LRFN2: variants seen among roughly 807,000 people sequenced by gnomAD.
LRFN2 encodes the protein leucine rich repeat and fibronectin type III domain containing 2.
Under a neutral mutation model 37.3 loss-of-function variants are expected in LRFN2, and 18 were observed. That is an observed-to-expected ratio of 0.48 (90% CI 0.33 to 0.72). The LOEUF (loss-of-function observed/expected upper bound fraction) is 0.72, where lower values mean the gene tolerates loss of function less well. LRFN2 is among the 30% of genes least tolerant of loss of function. The pLI is 0.02. For synonymous variants in LRFN2, 556 were observed against 466.6 expected, an observed-to-expected ratio of 1.19 and a Z score of -2.47; for missense variants, 1,006 against 1,060.7, an observed-to-expected ratio of 0.95 and a Z score of 0.72.
intron 1 of LRFN2, among the ~76,000 whole-genome samples, chr6:40,529,835 A>G (rs1440672690): frequency 6.6e-6 from 1 of 152,240 alleles, no homozygotes; most frequent in South Asian, 2.1e-4. Context: ...ACAAAAGTGC[A>G]TGCTCAGCCT....
At chr6:40,478,900 C>T (rs555249041) in intron 1 of LRFN2, among the ~76,000 whole-genome samples, 3 of 152,180 alleles carry the variant, frequency 2.0e-5, no homozygotes, top group South Asian at 2.1e-4. Flanking sequence ...AACAAATAAA[C>T]TAAAGAAGTT....
intron 1 of LRFN2, among the ~76,000 whole-genome samples, chr6:40,440,690 C>T (rs917798508): frequency 4.6e-5 from 7 of 152,100 alleles, no homozygotes; most frequent in Non-Finnish European, 8.8e-5. Flanking sequence ...AGGATAAATA[C>T]CTCAACATCC....
At chr6:40,513,234 ATT>A (rs199587651) in intron 1 of LRFN2, among the ~76,000 whole-genome samples, 4,899 of 144,466 alleles carry the variant, frequency 0.034, 120 homozygotes, top group East Asian at 0.087. Context: ...TCATTTAACA[ATT>A]TTTTTTTTTT....
chr6:40,537,871 T>C (rs550104064), intron 1 of LRFN2, among the ~76,000 whole-genome samples: 3 of 152,128 alleles, frequency 2.0e-5, no homozygotes, highest in African/African-American at 7.2e-5. Flanking sequence ...GCCCCTTTAA[T>C]GCTCCAGCTG....
At chr6:40,500,032 G>T (rs1474187540) in intron 1 of LRFN2, among the ~76,000 whole-genome samples, 1 of 152,224 alleles carries the variant, frequency 6.6e-6, no homozygotes, top group Admixed American at 6.5e-5. Flanking sequence ...TCCTCTCCGT[G>T]GCAGGCCTCT....
At chr6:40,565,119 G>A (rs1312954901) in intron 1 of LRFN2, among the ~76,000 whole-genome samples, 1 of 152,324 alleles carries the variant, frequency 6.6e-6, no homozygotes. Flanking sequence ...GGACCATCTA[G>A]CAGAGGACGT....
chr6:40,580,829 GTGTGTACATGAA>G (rs1486028946), intron 1 of LRFN2, among the ~76,000 whole-genome samples: 1 of 152,184 alleles, frequency 6.6e-6, no homozygotes, highest in Non-Finnish European at 1.5e-5. Flanking sequence ...ACTCATGAAC[GTGTGTACATGAA>G]TGTGTGCATG....
chr6:40,511,352 A>G (rs1765704564), intron 1 of LRFN2, among the ~76,000 whole-genome samples: 1 of 152,186 alleles, frequency 6.6e-6, no homozygotes, highest in Non-Finnish European at 1.5e-5. Flanking sequence ...TAAGAAAGAA[A>G]TGTCACTGTT....
intron 1 of LRFN2, among the ~76,000 whole-genome samples, chr6:40,458,350 G>A (rs1764277827): frequency 6.6e-6 from 1 of 152,212 alleles, no homozygotes; most frequent in African/African-American, 2.4e-5. Flanking sequence ...ACACATTAGG[G>A]AGCAGGGAGA....
intron 1 of LRFN2, among the ~76,000 whole-genome samples, chr6:40,493,530 C>T (rs1245701962): frequency 6.6e-6 from 1 of 152,182 alleles, no homozygotes; most frequent in Non-Finnish European, 1.5e-5. Context: ...CTCGCCCATA[C>T]AGAGTCTGTC....
intron 2 of LRFN2, among the ~76,000 whole-genome samples, chr6:40,430,235 C>A (rs1411245379): frequency 6.6e-6 from 1 of 152,178 alleles, no homozygotes; most frequent in Non-Finnish European, 1.5e-5. Flanking sequence ...AGGGGAGTTC[C>A]CCAGCTCTGC....
At chr6:40,404,910 TTC>T (rs1279361230) in intron 2 of LRFN2, among the ~76,000 whole-genome samples, 1 of 152,196 alleles carries the variant, frequency 6.6e-6, no homozygotes, top group East Asian at 1.9e-4. Context: ...CTCTCTGGGA[TTC>T]TCTCAGGCCT....
At chr6:40,474,421 T>G (rs75783430) in intron 1 of LRFN2, among the ~76,000 whole-genome samples, 2,041 of 152,276 alleles carry the variant, frequency 0.013, 58 homozygotes, top group African/African-American at 0.046. Context: ...TCTCTTCTCC[T>G]TTTTTGTCTG....
At chr6:40,571,731 G>A (rs1338260808) in intron 1 of LRFN2, among the ~76,000 whole-genome samples, 1 of 152,186 alleles carries the variant, frequency 6.6e-6, no homozygotes, top group East Asian at 1.9e-4. Context: ...CCAGCAGGTG[G>A]ATCCCCAAAT....
At chr6:40,567,194 G>A (rs1767105815) in intron 1 of LRFN2, among the ~76,000 whole-genome samples, 1 of 152,184 alleles carries the variant, frequency 6.6e-6, no homozygotes, top group Non-Finnish European at 1.5e-5. Context: ...GCTTCCTGGA[G>A]AAAAGGGTTG....
chr6:40,429,107 C>T (rs185796493), intron 2 of LRFN2, among the ~76,000 whole-genome samples: 25 of 152,326 alleles, frequency 1.6e-4, no homozygotes, highest in African/African-American at 6.0e-4. Flanking sequence ...TGAGAAGTCA[C>T]CATTGTTAGC....
chr6:40,481,247 C>A (rs911173052), intron 1 of LRFN2, among the ~76,000 whole-genome samples: 3 of 152,112 alleles, frequency 2.0e-5, no homozygotes, highest in Non-Finnish European at 2.9e-5. Context: ...AACAGCCTGG[C>A]CAACACAGTA....
At chr6:40,551,622 A>G (rs1477389283) in intron 1 of LRFN2, among the ~76,000 whole-genome samples, 2 of 152,226 alleles carry the variant, frequency 1.3e-5, no homozygotes, top group African/African-American at 2.4e-5. Context: ...GTGATTGATA[A>G]CTATGTGTCA....
At chr6:40,447,641 T>C (rs920434469) in intron 1 of LRFN2, among the ~76,000 whole-genome samples, 3 of 152,212 alleles carry the variant, frequency 2.0e-5, no homozygotes, top group African/African-American at 7.2e-5. Context: ...TGGTGAACAC[T>C]TGAGTGCTGA....
Sources: gnomAD v4.1 joint callset for allele counts (sites outside exome capture counted in the v4.1 genomes callset) on GRCh38, gnomAD v4.1.1 for gene constraint, MANE v1.5 for transcripts, NCBI Gene and HGNC (gene_info 2026-07-23, HGNC 2026-07-21) for gene names.